Variants in HSPBAP1 observed in about 807,000 individuals in gnomAD.
The protein encoded by HSPBAP1 is HSPB1-associated protein 1.
Under a neutral mutation model 45.2 loss-of-function variants are expected in HSPBAP1, and 27 were observed. The observed-to-expected ratio is 0.60, with a 90% CI of 0.44 to 0.82. The LOEUF is 0.82. Ranked by LOEUF, HSPBAP1 falls within the 40% of genes least tolerant of loss-of-function variation. The pLI, the probability that HSPBAP1 is intolerant of heterozygous loss-of-function variation, is 0.00. For missense variants in HSPBAP1, 510 were observed against 590.9 expected, an observed-to-expected ratio of 0.86 and a Z score of 1.42; for synonymous variants, 204 against 202.7, an observed-to-expected ratio of 1.01 and a Z score of -0.06.
At chr3:122,790,262 T>C (rs1935783663) in intron 1 of HSPBAP1, among the ~76,000 whole-genome samples, 1 of 152,194 alleles carries the variant, frequency 6.6e-6, no homozygotes, top group Admixed American at 6.5e-5. Context: ...GATTTCCCTC[T>C]TCGTCACTTC....
At chr3:122,792,197 T>G (rs886919506) in intron 1 of HSPBAP1, among the ~76,000 whole-genome samples, 2 of 152,184 alleles carry the variant, frequency 1.3e-5, no homozygotes, top group African/African-American at 4.8e-5. Context: ...TGACTGAATA[T>G]TCAAGAGTTT....
At chr3:122,783,833 C>CTTT (rs79338116) in intron 1 of HSPBAP1, among the ~76,000 whole-genome samples, 41 of 145,078 alleles carry the variant, frequency 2.8e-4, no homozygotes, top group Non-Finnish European at 3.9e-4. Flanking sequence ...GGGCAACTTT[C>CTTT]TTTTTTTTTT....
intron 6 of HSPBAP1, among the ~76,000 whole-genome samples, chr3:122,747,447 CGTCTCCGCCCGGCCAGCCG>C (rs1933923390): frequency 2.6e-5 from 4 of 151,724 alleles, no homozygotes; most frequent in Non-Finnish European, 4.4e-5. Context: ...AAGTGAGGAG[CGTCTCCGCCCGGCCAGCCG>C]CCCTGTCTGG....
chr3:122,773,487 T>C (rs1333955467), intron 2 of HSPBAP1, among the ~76,000 whole-genome samples: 1 of 151,998 alleles, frequency 6.6e-6, no homozygotes, highest in East Asian at 1.9e-4. Context: ...GGCTAATTTT[T>C]TGTATTTTTA....
At chr3:122,781,607 A>G (rs1048691234) in intron 1 of HSPBAP1, among the ~76,000 whole-genome samples, 5 of 151,526 alleles carry the variant, frequency 3.3e-5, no homozygotes, top group African/African-American at 1.2e-4. Context: ...AGTTTTTTTA[A>G]CCCTTGCTCC....
chr3:122,781,529 C>T (rs1397224442), intron 1 of HSPBAP1, among the ~76,000 whole-genome samples: 1 of 152,234 alleles, frequency 6.6e-6, no homozygotes, highest in Admixed American at 6.5e-5. Flanking sequence ...CGGCTTGGCA[C>T]CAGAGGCAGA....
intron 1 of HSPBAP1, among the ~76,000 whole-genome samples, chr3:122,778,503 C>G (rs1251646502): frequency 7.0e-6 from 1 of 143,362 alleles, no homozygotes; most frequent in African/African-American, 2.6e-5. Flanking sequence ...CATCCACAGT[C>G]TAGTATTTCT....
At chr3:122,745,750 T>C (rs970422389) in intron 6 of HSPBAP1, among the ~76,000 whole-genome samples, 3 of 152,186 alleles carry the variant, frequency 2.0e-5, no homozygotes, top group African/African-American at 7.2e-5. Flanking sequence ...AGGCATAAAG[T>C]GCTTCCTTTA....
At position 122,741,087 on chromosome 3, in the gene HSPBAP1, T is replaced by C; in HGVS notation, c.852A>G (p.Glu284=). The C allele has an allele frequency of 6.2e-7, 1 of 1,613,994 alleles. No homozygotes were observed. The highest frequency in any genetic ancestry group is 1.1e-5 in the South Asian group (1 of 91,084). ...ACACAAGCATACGGGTGATTGCCTC[T>C]TCTACCCGGGCTAGGTGATCCTCTT... ...ELEEDHLARV[E]EAITRMLVCA... The change falls in exon 7 of 8, where the codon GAA becomes GAG. Residue 284 remains glutamate (E), a synonymous_variant. Coordinates refer to ENST00000306103, the MANE Select transcript of HSPBAP1 (RefSeq NM_024610.6).
intron 3 of HSPBAP1, among the ~76,000 whole-genome samples, chr3:122,764,027 C>A (rs917404921): frequency 6.6e-6 from 1 of 152,204 alleles, no homozygotes; most frequent in African/African-American, 2.4e-5. Context: ...GGCTATGAAG[C>A]CTTCTCAACC....
chr3:122,783,853 C>T (rs1481333088), intron 1 of HSPBAP1, among the ~76,000 whole-genome samples: 20 of 148,278 alleles, frequency 1.3e-4, no homozygotes, highest in South Asian at 2.1e-4. Flanking sequence ...TTTTTTGAGA[C>T]GGAGTCTCGC....
At chr3:122,791,787 C>G (rs1430431251) in intron 1 of HSPBAP1, among the ~76,000 whole-genome samples, 6 of 152,144 alleles carry the variant, frequency 3.9e-5, no homozygotes, top group African/African-American at 1.4e-4. Context: ...CAGCAGAGCC[C>G]AGACCAAGGA....
intron 1 of HSPBAP1, among the ~76,000 whole-genome samples, chr3:122,786,040 G>A (rs1337167048): frequency 6.6e-6 from 1 of 151,792 alleles, no homozygotes; most frequent in South Asian, 2.1e-4. Flanking sequence ...CCAGGAAATC[G>A]CAAACCTTAA....
chr3:122,748,466 C>CA (rs1434593757), intron 6 of HSPBAP1, among the ~76,000 whole-genome samples: 1 of 151,628 alleles, frequency 6.6e-6, no homozygotes, highest in Non-Finnish European at 1.5e-5. Context: ...GATCGAAATG[C>CA]AAAAAACATG....
chr3:122,781,662 C>T (rs1935487817), intron 1 of HSPBAP1, among the ~76,000 whole-genome samples: 2 of 152,102 alleles, frequency 1.3e-5, no homozygotes, highest in Admixed American at 1.3e-4. Context: ...TTTACTGTTC[C>T]CATCTTTATG....
At chr3:122,783,889 G>T (rs1052350639) in intron 1 of HSPBAP1, among the ~76,000 whole-genome samples, 4 of 151,642 alleles carry the variant, frequency 2.6e-5, no homozygotes, top group Admixed American at 6.6e-5. Context: ...GGAGTGCAGT[G>T]GCGGGATCTC....
Position 122,777,858 on chromosome 3 carries a change from A to G in HSPBAP1, c.113T>C (p.Met38Thr). 6.2e-7 allele frequency: 1 copy of G among 1,613,890 alleles called. No homozygotes were observed. Among genetic ancestry groups the G allele is most frequent in the Non-Finnish European group, 8.5e-7 (1 of 1,179,844 alleles). ...GAAGATTGCAGGTTGTTGTAAAGACATGATAATTTCTTTTGCTTTCTCTGG... is the reference window on the plus strand; with the variant it reads ...GAAGATTGCAGGTTGTTGTAAAGACGTGATAATTTCTTTTGCTTTCTCTGG... ...FKPEKAKEII[M>T]SLQQPAIFCN... The change falls in exon 2 of 8, where the codon ATG becomes ACG. Residue 38 changes from methionine (M) to threonine (T), a missense_variant. Coordinates refer to ENST00000306103, the MANE Select transcript of HSPBAP1 (RefSeq NM_024610.6).
At chr3:122,765,058 C>T (rs534363157) in intron 3 of HSPBAP1, among the ~76,000 whole-genome samples, 2 of 152,226 alleles carry the variant, frequency 1.3e-5, no homozygotes, top group African/African-American at 2.4e-5. Context: ...TGAATAATGG[C>T]GTCTGATGGC....
chr3:122,740,745 T>A lies in HSPBAP1; in HGVS notation c.1067A>T (p.Lys356Met). The A allele has an allele frequency of 1.6e-5, 26 of 1,614,138 alleles. No individual in the cohort carries two copies. Among genetic ancestry groups the A allele is most frequent in the Non-Finnish European group, 2.1e-5 (25 of 1,180,036 alleles). Residue 356 changes from lysine to methionine, a missense_variant, in exon 8 of 8, where the codon AAG (lysine) becomes ATG (methionine). By Grantham distance (95) the Lys-to-Met change is moderately conservative (BLOSUM62 -1). Transcript: ENST00000306103. ...GTGGTTGCACACATTTAATTCTTCC[T>A]TTTTCATGTGCTCTCCATCTGTTCT... ...ALRTDGEHMK[K>M]EELNVCNHME... is the part of the protein sequence containing the mutation.
Sources: gnomAD v4.1 joint callset for allele counts (sites outside exome capture counted in the v4.1 genomes callset) on GRCh38, gnomAD v4.1.1 for gene constraint, MANE v1.5 for transcripts, NCBI Gene and HGNC (gene_info 2026-07-23, HGNC 2026-07-21) for gene names.